RAB6A: variants seen among roughly 807,000 people sequenced by gnomAD.
RAB6A encodes the protein RAB6A, member RAS oncogene family.
RAB6A carries 8 observed loss-of-function variants against 32.3 expected under a neutral mutation model. The observed-to-expected ratio is 0.25, with a 90% CI of 0.15 to 0.45. RAB6A has a LOEUF of 0.45. RAB6A is among the 20% of genes least tolerant of loss of function. The probability of loss-of-function intolerance (pLI) is 1.00; values close to 1 mark genes in which losing one functional copy is unlikely to be tolerated. For missense variants in RAB6A, 104 were observed against 249.4 expected (o/e 0.42, Z 3.93); for synonymous variants, 73 against 82.1 (o/e 0.89, Z 0.60).
At chr11:73,751,434 A>G (rs571474843) in intron 1 of RAB6A, among the ~76,000 whole-genome samples, 3 of 152,198 alleles carry the variant, frequency 2.0e-5, no homozygotes, top group Non-Finnish European at 4.4e-5. Context: ...TAAACCGACA[A>G]TGGGGAAAGC....
chr11:73,755,460 A>C (rs1946732398), intron 1 of RAB6A, among the ~76,000 whole-genome samples: 1 of 151,634 alleles, frequency 6.6e-6, no homozygotes, highest in African/African-American at 2.4e-5. Flanking sequence ...TGCCCGGCTA[A>C]TTTTGTATTT....
At chr11:73,756,263 A>G (rs570273239) in intron 1 of RAB6A, among the ~76,000 whole-genome samples, 16 of 152,184 alleles carry the variant, frequency 1.1e-4, no homozygotes, top group African/African-American at 3.6e-4. Context: ...CTGAGGTGGG[A>G]GGATCACTTG....
intron 5 of RAB6A, among the ~76,000 whole-genome samples, chr11:73,714,786 T>C (rs1348353786): frequency 6.6e-6 from 1 of 151,530 alleles, no homozygotes; most frequent in East Asian, 2.0e-4. Flanking sequence ...GCCAACATGG[T>C]GAAACCCCGT....
At chr11:73,741,397 C>A (rs1946493640) in intron 1 of RAB6A, among the ~76,000 whole-genome samples, 1 of 152,126 alleles carries the variant, frequency 6.6e-6, no homozygotes, top group Non-Finnish European at 1.5e-5. Context: ...CTCGGCCTCC[C>A]AAAGTGCTAA....
intron 6 of RAB6A, among the ~76,000 whole-genome samples, chr11:73,691,869 A>T (rs755340911): frequency 1.3e-5 from 2 of 152,058 alleles, no homozygotes; most frequent in Non-Finnish European, 2.9e-5. Flanking sequence ...GCTACTAGGG[A>T]GGCTGAGGCA....
chr11:73,735,937 A>AAAAAAAAG (rs56012322), intron 1 of RAB6A, among the ~76,000 whole-genome samples: 6 of 123,592 alleles, frequency 4.9e-5, no homozygotes, highest in African/African-American at 1.1e-4. Flanking sequence ...AAAAAAAAAA[A>AAAAAAAAG]AGAGAGAGAG....
intron 5 of RAB6A, among the ~76,000 whole-genome samples, chr11:73,710,802 G>A (rs1203075067): frequency 4.0e-5 from 6 of 149,692 alleles, no homozygotes; most frequent in African/African-American, 1.5e-4. Context: ...ACATATAAGT[G>A]CGGTGGCAGG....
At chr11:73,757,747 A>G (rs1946783298) in intron 1 of RAB6A, among the ~76,000 whole-genome samples, 1 of 152,156 alleles carries the variant, frequency 6.6e-6, no homozygotes, top group Non-Finnish European at 1.5e-5. Context: ...AAATGATGTA[A>G]GTTTTAAGTG....
intron 5 of RAB6A, among the ~76,000 whole-genome samples, chr11:73,713,174 A>G (rs1945992381): frequency 1.3e-5 from 2 of 152,150 alleles, no homozygotes; most frequent in Admixed American, 1.3e-4. Context: ...ATAACCTCCA[A>G]ACTTCTAAAT....
At chr11:73,688,443 T>C (rs910510323) in intron 6 of RAB6A, among the ~76,000 whole-genome samples, 1 of 152,228 alleles carries the variant, frequency 6.6e-6, no homozygotes, top group South Asian at 2.1e-4. Flanking sequence ...GAGACAGATT[T>C]GAGCCTAGTT....
chr11:73,760,515 G>T (rs1290622577), intron 1 of RAB6A, 51 bp downstream of exon 1: 1 of 1,554,612 alleles, frequency 6.4e-7, no homozygotes, highest in Non-Finnish European at 8.7e-7. Flanking sequence ...ACCGGGGGCG[G>T]TGCGGGGACG....
chr11:73,750,430 A>G (rs1946655802), intron 1 of RAB6A, among the ~76,000 whole-genome samples: 1 of 151,446 alleles, frequency 6.6e-6, no homozygotes, highest in South Asian at 2.1e-4. Context: ...GCTCACTGCA[A>G]ACTCCACCTC....
chr11:73,732,772 C>T (rs1403179380), intron 1 of RAB6A, among the ~76,000 whole-genome samples: 1 of 151,966 alleles, frequency 6.6e-6, no homozygotes, highest in African/African-American at 2.4e-5. Context: ...AGCAAACAAA[C>T]AAACAGATCT....
Position 73,743,928 on chromosome 11 carries a change from A to G in RAB6A, c.71-13105T>C, listed in dbSNP as rs200196476. The stretch of plus-strand genomic sequence containing the variant: ...GATTGCATCTCTCTAAGAATTTTAG[A>G]TCAGCCAGGTGCCATGGCTCATGCC... On this transcript the variant is annotated intron_variant, in intron 1 of 7. Transcript: ENST00000336083. Among the ~76,000 whole-genome samples, 4 of 152,304 alleles carry G rather than the reference A, an allele frequency of 2.6e-5. No individual in the cohort carries two copies. In the East Asian group the frequency reaches 7.7e-4, roughly 29 times the overall value.
At chr11:73,690,341 TCTAA>T (rs925187962) in intron 6 of RAB6A, among the ~76,000 whole-genome samples, 44 of 152,314 alleles carry the variant, frequency 2.9e-4, no homozygotes, top group Non-Finnish European at 5.4e-4. Context: ...TAAAAGCTTC[TCTAA>T]CTCACTCCCC....
intron 5 of RAB6A, among the ~76,000 whole-genome samples, 177 bp from the exon 6 acceptor site, chr11:73,707,690 T>A (rs990319290): frequency 2.0e-5 from 3 of 152,244 alleles, no homozygotes; most frequent in African/African-American, 7.2e-5. Context: ...TGTGTGTGTA[T>A]ACTTAACATT....
At chr11:73,760,259 G>A (rs975326248) in intron 1 of RAB6A, among the ~76,000 whole-genome samples, 1 of 152,202 alleles carries the variant, frequency 6.6e-6, no homozygotes, top group Non-Finnish European at 1.5e-5. Context: ...CGAGACCGGA[G>A]GAAGAAAGGG....
chr11:73,758,378 G>A (rs1289908708), intron 1 of RAB6A, among the ~76,000 whole-genome samples: 1 of 152,110 alleles, frequency 6.6e-6, no homozygotes. Flanking sequence ...GTTAACAAAT[G>A]TGCCATACTA....
intron 2 of RAB6A, chr11:73,722,331 ATATATATATATATT>A (rs1328154831): frequency 2.6e-3 from 120 of 46,474 alleles, no homozygotes; most frequent in African/African-American, 3.5e-3. Context: ...ATATATATAT[ATATATATATATATT>A]TTTTTTTTTT....
Sources: allele counts gnomAD v4.1 joint callset (sites outside exome capture counted in the v4.1 genomes callset), GRCh38; gene constraint gnomAD v4.1.1; transcripts MANE v1.5; gene names NCBI Gene and HGNC (gene_info 2026-07-23, HGNC 2026-07-21).